The following ZSWIM2 variants were observed in gnomAD, a reference collection of about 807,000 sequenced individuals.
ZSWIM2 encodes the protein zinc finger SWIM-type containing 2.
In ZSWIM2, 38 loss-of-function variants were observed where a neutral mutation model predicts 48.4. The ratio of observed to expected loss-of-function variants is 0.79; its 90% CI spans 0.61 to 1.03. ZSWIM2 has a LOEUF of 1.03. Ranked by LOEUF, ZSWIM2 falls within the 50% of genes least tolerant of loss-of-function variation. ZSWIM2 has a pLI of 0.00. For synonymous variants in ZSWIM2, 240 were observed against 251.3 expected (o/e 0.96, Z 0.42); for missense variants, 776 against 730.2 (o/e 1.06, Z -0.72).
At chr2:186,843,040 G>T (rs541182945) in intron 3 of ZSWIM2, among the ~76,000 whole-genome samples, 1 of 151,456 alleles carries the variant, frequency 6.6e-6, no homozygotes, top group Non-Finnish European at 1.5e-5. Context: ...TTGATTACAC[G>T]TTGACACAAT....
At chr2:186,841,281 A>G (rs1485642071) in intron 3 of ZSWIM2, among the ~76,000 whole-genome samples, 2 of 151,458 alleles carry the variant, frequency 1.3e-5, no homozygotes, top group Non-Finnish European at 3.0e-5. Context: ...CCAAAATTAT[A>G]GAAATATTAC....
rs1391009366 is a variant in ZSWIM2, at chr2:186,827,745, C to T, written c.*239G>A. 7.6e-6 allele frequency: 2 copies of T among 262,208 alleles called. No homozygotes were observed. Among genetic ancestry groups the T allele is most frequent in the Admixed American group, 5.1e-5 (1 of 19,704 alleles). The allele number at this position is 262,208 out of a possible 1,614,324, so 16.2% of individuals were successfully genotyped here. ...AAATCAGAGTAAAATAAGATAAAGG[C>T]TCTAAAAATTATTCATTATTTATAA... On this transcript the variant is annotated 3_prime_UTR_variant, in exon 9 of 9. Coordinates refer to ENST00000295131, the MANE Select transcript of ZSWIM2 (RefSeq NM_182521.3).
rs747303212 is a variant in ZSWIM2, at chr2:186,827,943, T to G, written c.*41A>C. ...TTTTATGTTCTATATAAAACATTTT[T>G]TTATATTCAACATTCAAATATTTTC... On this transcript the variant is annotated 3_prime_UTR_variant, in exon 9 of 9. Coordinates refer to ENST00000295131, the MANE Select transcript of ZSWIM2 (RefSeq NM_182521.3). The G allele has an allele frequency of 2.4e-5, 35 of 1,438,864 alleles. No individual in the cohort carries two copies. Among genetic ancestry groups the G allele is most frequent in the Non-Finnish European group, 3.0e-5 (32 of 1,079,828 alleles). 89.1% of individuals were successfully genotyped at this position (1,438,864 alleles called of 1,614,324 possible).
Position 186,839,053 on chromosome 2 carries a change from C to T in ZSWIM2, c.400G>A (p.Gly134Arg), listed in dbSNP as rs1167051486. 1.2e-6 allele frequency: 2 copies of T among 1,611,516 alleles called. No homozygotes were observed. The highest frequency in any genetic ancestry group is 1.7e-5 in the Admixed American group (1 of 59,836). ...NDENEHVEED[G>R]YIKQKEIDSE... Reference sequence around the variant, plus strand: ...TCAATTTCCTTCTGTTTAATGTACCCATCTTCTTCAACATGTTCATTTTCG... The same window carrying T: ...TCAATTTCCTTCTGTTTAATGTACCTATCTTCTTCAACATGTTCATTTTCG... The change falls in exon 4 of 9, where the codon GGG becomes AGG. Residue 134 changes from glycine (G) to arginine (R), a missense_variant. Gly to Arg is a moderately radical substitution (Grantham distance 125). Coordinates refer to ENST00000295131, the MANE Select transcript of ZSWIM2 (RefSeq NM_182521.3).
rs184302533 is a variant in ZSWIM2, at chr2:186,847,620, T to A, written c.242+99A>T. On this transcript the variant is annotated intron_variant, in intron 2 of 8. Coordinates refer to ENST00000295131, the MANE Select transcript of ZSWIM2 (RefSeq NM_182521.3). ...ACTTTATATTCCCCAAACACCAAAT[T>A]TCTTTAATTTTGTTGTTATTGAAAC... The A allele has an allele frequency of 1.9e-4, 142 of 744,998 alleles. No individual in the cohort carries two copies. In the African/African-American group the frequency reaches 2.2e-3, roughly 11 times the overall value. The allele number at this position is 744,998 out of a possible 1,614,324, so 46.1% of individuals were successfully genotyped here.
At chr2:186,847,276 C>T (rs527682491) in intron 2 of ZSWIM2, among the ~76,000 whole-genome samples, 2 of 152,006 alleles carry the variant, frequency 1.3e-5, no homozygotes, top group South Asian at 2.1e-4. Flanking sequence ...TAGGCCAATA[C>T]GGAAAAGGTG....
chr2:186,835,730 T>C (rs1399499742), intron 5 of ZSWIM2, among the ~76,000 whole-genome samples: 1 of 152,144 alleles, frequency 6.6e-6, no homozygotes, highest in South Asian at 2.1e-4. Flanking sequence ...CTAAAGGAAA[T>C]GGAAATAGTT....
At chr2:186,839,758 C>A (rs557929951) in intron 3 of ZSWIM2, among the ~76,000 whole-genome samples, 151 of 151,656 alleles carry the variant, frequency 1.0e-3, no homozygotes, top group African/African-American at 3.4e-3. Context: ...ATATTGCTTG[C>A]ACCATTGGGA....
At position 186,828,686 on chromosome 2, in the gene ZSWIM2, C is replaced by A. The variant is rs1269235784; in HGVS notation, c.1200G>T (p.Val400=). ...YNPLTWKNSA[V]NGQAHQSVSN... ...AAACAGACTGATGTGCTTGTCCATT[C>A]ACTGCTGAATTTTTCCAAGTTAAAG... Residue 400 remains valine, a synonymous_variant, in exon 9 of 9, where the codon GTG becomes GTT. Coordinates refer to ENST00000295131, the MANE Select transcript of ZSWIM2 (RefSeq NM_182521.3). The A allele has an allele frequency of 6.2e-7, 1 of 1,612,990 alleles. No individual in the cohort carries two copies. Among genetic ancestry groups the A allele is most frequent in the African/African-American group, 1.3e-5 (1 of 74,868 alleles).
rs1691769654 is a variant in ZSWIM2 at position 186,835,055 on chromosome 2, G to A, written c.744-1025C>T. Reference sequence around the variant, plus strand: ...CTCTTTCTCTACATTCTTACAGGATGTACAGTCTATTAGATATTCTGTCAT... The same window carrying A: ...CTCTTTCTCTACATTCTTACAGGATATACAGTCTATTAGATATTCTGTCAT... On this transcript the variant is annotated intron_variant, in intron 5 of 8. Transcript: ENST00000295131. Among the ~76,000 whole-genome samples the A allele has an allele frequency of 2.0e-5, 3 of 152,090 alleles. No homozygotes were observed. The South Asian group carries it at 6.2e-4, about 31-fold the overall frequency.
chr2:186,843,992 C>T (rs10207487), intron 3 of ZSWIM2, among the ~76,000 whole-genome samples: 22,127 of 151,508 alleles, frequency 0.15, 2,531 homozygotes, highest in African/African-American at 0.33. Flanking sequence ...AAATTTAAAA[C>T]TAATTATCAC....
rs1168304629 is a variant in ZSWIM2, at chr2:186,839,048, G to A, written c.405C>T (p.Tyr135=). The part of the protein sequence containing the change: ...DENEHVEEDG[Y]IKQKEIDSED... The stretch of plus-strand genomic sequence containing the variant: ...CTGAATCAATTTCCTTCTGTTTAAT[G>A]TACCCATCTTCTTCAACATGTTCAT... The change falls in exon 4 of 9, where the codon TAC becomes TAT. Residue 135 remains tyrosine, a synonymous_variant. Coordinates refer to ENST00000295131, the MANE Select transcript of ZSWIM2 (RefSeq NM_182521.3). The A allele has an allele frequency of 7.4e-6, 12 of 1,611,738 alleles. No homozygotes were observed. The highest frequency in any genetic ancestry group is 2.2e-5 in the South Asian group (2 of 90,982).
rs1250328599 is a variant in ZSWIM2 at position 186,828,439 on chromosome 2, AT to A, written c.1446del (p.Lys482AsnfsTer2). On this transcript the variant is annotated frameshift_variant, in exon 9 of 9. Transcript: ENST00000295131. LOFTEE classifies it low-confidence loss of function (END_TRUNC). ...SIKLDNSNSK[K>X]LTYDYKISQH... ...TGGCTAATTTTATAATCATAGGTTA[AT>A]TTTTTTGAATTTGAATTATCTAATT... The A allele has an allele frequency of 6.2e-7, 1 of 1,613,102 alleles. No homozygotes were observed. Among genetic ancestry groups the A allele is most frequent in the South Asian group, 1.1e-5 (1 of 91,032 alleles).
Position 186,828,006 on chromosome 2 carries a change from A to G in ZSWIM2, c.1880T>C (p.Ile627Thr), listed in dbSNP as rs760207648. The change falls in exon 9 of 9, where the codon ATA becomes ACA. Residue 627 changes from isoleucine (I) to threonine (T), a missense_variant. By Grantham distance (89) the Ile-to-Thr change is moderately conservative. Transcript: ENST00000295131. Reference sequence around the variant, plus strand: ...TTTTCACAATTGAACTCCTTCTATTATTAAAGATAGCTCAGTACTTTTTGT... The same window carrying G: ...TTTTCACAATTGAACTCCTTCTATTGTTAAAGATAGCTCAGTACTTTTTGT... ...VNTKSTELSL[I>T]IEGVQL 1.3e-6 allele frequency: 2 copies of G among 1,588,348 alleles called. No individual in the cohort carries two copies. The highest frequency in any genetic ancestry group is 1.9e-5 in the Admixed American group (1 of 53,744).
At chr2:186,848,685 C>T (rs3114951) in intron 1 of ZSWIM2, 232,872 of 339,162 alleles carry the variant, frequency 0.69, 81,045 homozygotes, top group East Asian at 0.88. Context: ...GGTATTCATA[C>T]GCCTCTGACA....
chr2:186,832,654 C>T (rs115964052), intron 7 of ZSWIM2, among the ~76,000 whole-genome samples: 2,850 of 152,062 alleles, frequency 0.019, 80 homozygotes, highest in African/African-American at 0.064. Context: ...TTTATTTAAA[C>T]ATAACTGATG....
At chr2:186,847,925 G>C in intron 1 of ZSWIM2, 130 bp from the exon 2 acceptor site, 1 of 531,166 alleles carries the variant, frequency 1.9e-6, no homozygotes, top group South Asian at 3.2e-5. Context: ...AGATTCTACT[G>C]GAGAATCTTA....
chr2:186,830,901 A>C (rs1368442357), intron 7 of ZSWIM2, among the ~76,000 whole-genome samples: 1 of 152,208 alleles, frequency 6.6e-6, no homozygotes, highest in Non-Finnish European at 1.5e-5. Context: ...ACAAAGTTCA[A>C]ATATATTCTT....
Position 186,828,052 on chromosome 2 carries a change from G to T in ZSWIM2, c.1834C>A (p.Pro612Thr), listed in dbSNP as rs749323863. Residue 612 changes from proline to threonine, a missense_variant, in exon 9 of 9, where the codon CCT becomes ACT. Pro to Thr is a conservative substitution (Grantham distance 38, BLOSUM62 -1). Transcript: ENST00000295131. ...TRKCSHLSRQ[P>T]VSHSVNTKST... ...TTTGTATTTACAGAGTGAGACACAG[G>T]CTGTCTTGATAGATGACTACATTTT... is the stretch of plus-strand genomic sequence containing the variant. The T allele has an allele frequency of 4.8e-5, 78 of 1,612,854 alleles. No homozygotes were observed. Among genetic ancestry groups the T allele is most frequent in the Non-Finnish European group, 6.1e-5 (72 of 1,179,528 alleles).
Sources: gnomAD v4.1 joint callset for allele counts (sites outside exome capture counted in the v4.1 genomes callset) on GRCh38, gnomAD v4.1.1 for gene constraint, MANE v1.5 for transcripts, NCBI Gene and HGNC (gene_info 2026-07-23, HGNC 2026-07-21) for gene names.